FGG: variants seen among roughly 807,000 people sequenced by gnomAD.
FGG encodes the protein fibrinogen gamma chain.
FGG carries 20 observed loss-of-function variants against 51.7 expected under a neutral mutation model. The observed-to-expected ratio is 0.39, with a 90% CI of 0.27 to 0.56. The LOEUF is 0.56. Ranked by LOEUF, FGG falls within the 20% of genes least tolerant of loss-of-function variation. The pLI, the probability that FGG is intolerant of heterozygous loss-of-function variation, is 0.64. For missense variants in FGG, 460 were observed against 534.2 expected, an observed-to-expected ratio of 0.86 and a Z score of 1.37; for synonymous variants, 184 against 184.7, an observed-to-expected ratio of 1.00 and a Z score of 0.03.
At chr4:154,608,380 A>G in intron 7 of FGG, 86 bp downstream of exon 7, 3 of 1,331,702 alleles carry the variant, frequency 2.3e-6, no homozygotes, top group Middle Eastern at 2.1e-4. Flanking sequence ...GTCAGGCTGC[A>G]TTTGCCATTG....
chr4:154,608,469 G>A lies in FGG; in HGVS notation c.848C>T (p.Thr283Ile), dbSNP rs766346280. ...GGAAGTCATTTCAAAACAGTACCTG[G>A]TTCTGCCATTCCAGTCTTCCAGTTC... is the stretch of plus-strand genomic sequence containing the variant. ...RVELEDWNGR[T>I]STADYAMFKV... Residue 283 changes from threonine to isoleucine, a missense_variant, in exon 7 of 9, where the codon ACC becomes ATC. Coordinates refer to ENST00000336098, the MANE Select transcript of FGG (RefSeq NM_021870.3). 2.0e-5 allele frequency: 33 copies of A among 1,613,102 alleles called. No individual in the cohort carries two copies. In the South Asian group the frequency reaches 3.3e-4, roughly 16 times the overall value.
intron 5 of FGG, 69 bp downstream of exon 5, chr4:154,609,998 A>G (rs932853002): frequency 3.4e-5 from 54 of 1,597,028 alleles, no homozygotes; most frequent in Non-Finnish European, 4.5e-5. Flanking sequence ...TATACTTTCC[A>G]GTACATACTT....
In FGG at chr4:154,610,208, A is replaced by G. The variant is rs770337443; in HGVS notation, c.402-11T>C. On this transcript the variant is annotated splice_polypyrimidine_tract_variant and intron_variant, in intron 4 of 8. Coordinates refer to ENST00000336098, the MANE Select transcript of FGG (RefSeq NM_021870.3). ...ATTTCCTGCAAATATCTACAAACAG[A>G]AACATAAGATAACAAAAATAAGAAG... 1 of 1,545,226 alleles carries G rather than the reference A, an allele frequency of 6.5e-7. No homozygotes were observed. Among genetic ancestry groups the G allele is most frequent in the Non-Finnish European group, 8.9e-7 (1 of 1,118,144 alleles).
intron 6 of FGG, 50 bp downstream of exon 6, chr4:154,609,580 C>A (rs1375116113): frequency 6.2e-7 from 1 of 1,608,756 alleles, no homozygotes; most frequent in South Asian, 1.1e-5. Context: ...TGCCATATGG[C>A]AGAAACAATG....
chr4:154,604,314 A>T lies in FGG; in HGVS notation c.*520T>A. ...TCTGTTCAGATAAAGTCCTTTAAAA[A>T]AGTAAATCTCTTTTGAAACGGTCTT... On this transcript the variant is annotated 3_prime_UTR_variant, in exon 9 of 9. Transcript: ENST00000336098. 1 of 1,508,840 alleles carries T rather than the reference A, an allele frequency of 6.6e-7. No homozygotes were observed. 93.5% of individuals were successfully genotyped at this position (1,508,840 alleles called of 1,614,324 possible). A position where few individuals can be genotyped will look rare whatever the true frequency, so the allele number is the denominator to read the frequency against.
At chr4:154,609,112 A>C (rs1172758021) in intron 6 of FGG, among the ~76,000 whole-genome samples, 1 of 150,698 alleles carries the variant, frequency 6.6e-6, no homozygotes, top group East Asian at 2.0e-4. Context: ...CAAGATTCCT[A>C]GTGGGTATCA....
At chr4:154,608,682 A>C in intron 6 of FGG, 32 bp from the exon 7 acceptor site, 4 of 1,581,052 alleles carry the variant, frequency 2.5e-6, no homozygotes, top group Non-Finnish European at 3.5e-6. Flanking sequence ...CAAAAGGAGA[A>C]AATAGACTAT....
chr4:154,611,171 A>G (rs1307670253), intron 4 of FGG: 1 of 151,452 alleles, frequency 6.6e-6, no homozygotes, highest in Non-Finnish European at 1.5e-5. Flanking sequence ...AAAAATTCAG[A>G]AAAAAAAATT....
chr4:154,604,299 TAA>T lies in FGG; in HGVS notation c.*533_*534del, dbSNP rs1278793669. ...AAAATATTATATCTCTCTGTTCAGA[TAA>T]AGTCCTTTAAAAAAGTAAATCTCTT... On this transcript the variant is annotated 3_prime_UTR_variant, in exon 9 of 9. Coordinates refer to ENST00000336098, the MANE Select transcript of FGG (RefSeq NM_021870.3). 3 of 1,481,482 alleles carry T rather than the reference TAA, an allele frequency of 2.0e-6. No homozygotes were observed. The highest frequency in any genetic ancestry group is 1.4e-5 in the African/African-American group (1 of 69,806). 91.8% of individuals were successfully genotyped at this position (1,481,482 alleles called of 1,614,324 possible).
intron 7 of FGG, 39 bp from the exon 8 acceptor site, chr4:154,607,021 C>T: frequency 6.6e-7 from 1 of 1,519,068 alleles, no homozygotes; most frequent in East Asian, 2.3e-5. Flanking sequence ...TGCTGACCCT[C>T]CTCAGGGATC....
At chr4:154,605,711 G>T (rs1464206103) in intron 8 of FGG, among the ~76,000 whole-genome samples, 1 of 152,142 alleles carries the variant, frequency 6.6e-6, no homozygotes, top group East Asian at 1.9e-4. Flanking sequence ...TGAGTGCAAA[G>T]ATAAGTTATG....
chr4:154,611,077 C>T (rs1424890168), intron 4 of FGG, among the ~76,000 whole-genome samples: 1 of 151,992 alleles, frequency 6.6e-6, no homozygotes, highest in Non-Finnish European at 1.5e-5. Flanking sequence ...AACAAGGGCC[C>T]TCTGATAGCA....
In FGG at chr4:154,607,075, A is replaced by G. The variant is rs1731113877; in HGVS notation, c.852-93T>C. ...GTAGGATGCTTCCTTGGAATTTTTG[A>G]CTTTGTTTCTTAAGGCTGAAATTTG... On this transcript the variant is annotated intron_variant, in intron 7 of 8. Transcript: ENST00000336098. The G allele has an allele frequency of 4.1e-6, 6 of 1,464,160 alleles. No individual in the cohort carries two copies. The South Asian group carries it at 5.8e-5, about 14-fold the overall frequency. 90.7% of individuals were successfully genotyped at this position (1,464,160 alleles called of 1,614,324 possible).
intron 5 of FGG, 23 bp from the exon 6 acceptor site, chr4:154,609,786 T>A (rs1560835727): frequency 6.2e-7 from 1 of 1,614,006 alleles, no homozygotes; most frequent in South Asian, 1.1e-5. Flanking sequence ...AATCGACTTT[T>A]ACTGTGGTTT....
rs1731068493 is a variant in FGG, at chr4:154,604,893, T to A, written c.1303A>T (p.Arg435Ter). Residue 435 changes from arginine (R) to a stop codon, truncating the protein, a stop_gained, in exon 9 of 9, where the codon AGA (arginine) becomes TGA (stop). Coordinates refer to ENST00000336098, the MANE Select transcript of FGG (RefSeq NM_021870.3). LOFTEE classifies it low-confidence loss of function (END_TRUNC). ...TCTGTTTCCGCAGGGTGCTCTGGTCTGACCTGTTTGGCTCCCCCCAGGTGG... is the reference window on the plus strand; with the variant it reads ...TCTGTTTCCGCAGGGTGCTCTGGTCAGACCTGTTTGGCTCCCCCCAGGTGG... ...QHHLGGAKQV[R>*]PEHPAETEYD... 2 of 1,614,160 alleles carry A rather than the reference T, an allele frequency of 1.2e-6. No individual in the cohort carries two copies. The highest frequency in any genetic ancestry group is 1.7e-6 in the Non-Finnish European group (2 of 1,179,972).
rs201436157 is a variant in FGG at position 154,605,084 on chromosome 4, T to G, written c.1130-18A>C. The G allele has an allele frequency of 5.0e-6, 8 of 1,613,708 alleles. No individual in the cohort carries two copies. Among genetic ancestry groups the G allele is most frequent in the Middle Eastern group, 1.6e-4 (1 of 6,082 alleles). On this transcript the variant is annotated intron_variant, in intron 8 of 8. Coordinates refer to ENST00000336098, the MANE Select transcript of FGG (RefSeq NM_021870.3). Reference sequence around the variant, plus strand: ...AGTGCCACCTAAAACAAGTCGTAGATGTACATATCATTATTCTGGAATCTT... The same window carrying G: ...AGTGCCACCTAAAACAAGTCGTAGAGGTACATATCATTATTCTGGAATCTT...
chr4:154,607,977 C>T (rs746065546), intron 7 of FGG, among the ~76,000 whole-genome samples: 1 of 152,132 alleles, frequency 6.6e-6, no homozygotes, highest in Non-Finnish European at 1.5e-5. Flanking sequence ...AAATGGCCAT[C>T]AAGGCACTGA....
At chr4:154,610,030 T>C (rs1731176431) in intron 5 of FGG, 37 bp downstream of exon 5, 1 of 1,612,930 alleles carries the variant, frequency 6.2e-7, no homozygotes, top group South Asian at 1.1e-5. Context: ...TTACTTACTT[T>C]GATGAACCTA....
intron 5 of FGG, 146 bp from the exon 6 acceptor site, chr4:154,609,909 G>GT (rs915704968): frequency 2.7e-4 from 407 of 1,499,650 alleles, no homozygotes; most frequent in Admixed American, 5.6e-4. Flanking sequence ...CTTTTAAACT[G>GT]TTTTTTTTAG....
Sources: gnomAD v4.1 joint callset for allele counts (sites outside exome capture counted in the v4.1 genomes callset) on GRCh38, gnomAD v4.1.1 for gene constraint, MANE v1.5 for transcripts, NCBI Gene and HGNC (gene_info 2026-07-23, HGNC 2026-07-21) for gene names.